The following COX5A variants were observed in gnomAD, a reference collection of about 807,000 sequenced individuals.
COX5A encodes the protein cytochrome c oxidase subunit 5A, mitochondrial.
In COX5A, 6 loss-of-function variants were observed where a neutral mutation model predicts 16.1. The ratio of observed to expected loss-of-function variants is 0.37; its 90% CI spans 0.20 to 0.73. The LOEUF is 0.73. Ranked by LOEUF, COX5A falls within the 30% of genes least tolerant of loss-of-function variation. COX5A has a pLI of 0.50. For synonymous variants in COX5A, 73 were observed against 73.8 expected, an observed-to-expected ratio of 0.99 and a Z score of 0.06; for missense variants, 159 against 194.9, an observed-to-expected ratio of 0.82 and a Z score of 1.10.
intron 1 of COX5A, among the ~76,000 whole-genome samples, chr15:74,930,014 G>A (rs2065359751): frequency 6.6e-6 from 1 of 151,822 alleles, no homozygotes. Flanking sequence ...GGACGGCGGA[G>A]GTTGCAGTGA....
At chr15:74,933,455 CTATCTATCTATG>C (rs1174935475) in intron 1 of COX5A, among the ~76,000 whole-genome samples, 74 of 125,658 alleles carry the variant, frequency 5.9e-4, no homozygotes, top group Admixed American at 8.9e-4. Flanking sequence ...ATCTATCTAT[CTATCTATCTATG>C]TAAAAACATA....
chr15:74,926,356 A>G (rs2065343719), intron 3 of COX5A, among the ~76,000 whole-genome samples: 1 of 151,822 alleles, frequency 6.6e-6, no homozygotes, highest in Non-Finnish European at 1.5e-5. Flanking sequence ...TTATATTTTT[A>G]GTAGAGACAG....
At chr15:74,931,361 C>T (rs112077332) in intron 1 of COX5A, among the ~76,000 whole-genome samples, 2 of 151,226 alleles carry the variant, frequency 1.3e-5, no homozygotes, top group East Asian at 2.0e-4. Context: ...ATTAGCTGGG[C>T]GTGATGACGG....
Position 74,920,450 on chromosome 15 carries a change from A to C in COX5A, c.*10-8T>G. The C allele has an allele frequency of 1.4e-6, 1 of 689,908 alleles. No homozygotes were observed. The highest frequency in any genetic ancestry group is 2.6e-6 in the Non-Finnish European group (1 of 381,810). The allele number at this position is 689,908 out of a possible 1,614,324, so 42.7% of individuals were successfully genotyped here. A position where few individuals can be genotyped will look rare whatever the true frequency, so the allele number is the denominator to read the frequency against. The stretch of plus-strand genomic sequence containing the variant: ...ATCCTTGGGGAAGCCCATCTGTAAG[A>C]GAAAACACAAAGAATTAGCCAGGAA... On this transcript the variant is annotated splice_polypyrimidine_tract_variant and splice_region_variant and intron_variant, in intron 4 of 4. Transcript: ENST00000322347.
At chr15:74,927,788 A>C (rs1233480735) in intron 2 of COX5A, among the ~76,000 whole-genome samples, 2 of 152,118 alleles carry the variant, frequency 1.3e-5, no homozygotes, top group Non-Finnish European at 2.9e-5. Flanking sequence ...AAACAAAACA[A>C]ACAAACAAAA....
At chr15:74,930,318 T>A (rs1380130820) in intron 1 of COX5A, among the ~76,000 whole-genome samples, 1 of 148,700 alleles carries the variant, frequency 6.7e-6, no homozygotes, top group Non-Finnish European at 1.5e-5. Context: ...CTCGGGAGGA[T>A]GAAGCAGGGG....
Position 74,920,031 on chromosome 15 carries a change from C to G in COX5A, c.*421G>C. 3.5e-6 allele frequency: 1 copy of G among 287,248 alleles called. No individual in the cohort carries two copies. Among genetic ancestry groups the G allele is most frequent in the Non-Finnish European group, 6.4e-6 (1 of 157,040 alleles). 17.8% of individuals were successfully genotyped at this position (287,248 alleles called of 1,614,324 possible). A position where few individuals can be genotyped will look rare whatever the true frequency, so the allele number is the denominator to read the frequency against. On this transcript the variant is annotated 3_prime_UTR_variant, in exon 5 of 5. Transcript: ENST00000322347. ...AAAGGTACACAATTTGATCTATCCC[C>G]ACAGACAACCAGTCCCCTAAGCCTA...
intron 1 of COX5A, among the ~76,000 whole-genome samples, chr15:74,934,990 T>C (rs987461605): frequency 3.9e-5 from 6 of 152,202 alleles, no homozygotes; most frequent in East Asian, 1.9e-4. Flanking sequence ...AAGGCTAACA[T>C]ATATAGAAAA....
intron 1 of COX5A, among the ~76,000 whole-genome samples, chr15:74,935,879 C>G (rs535733911): frequency 2.0e-5 from 3 of 151,992 alleles, no homozygotes; most frequent in Non-Finnish European, 4.4e-5. Flanking sequence ...CGTGAGCCAC[C>G]GTGTCCGGCT....
At chr15:74,922,777 C>G (rs1595860487) in intron 4 of COX5A, among the ~76,000 whole-genome samples, 3 of 151,568 alleles carry the variant, frequency 2.0e-5, no homozygotes, top group Admixed American at 2.0e-4. Context: ...GTGATTCTCC[C>G]GCCTCAGCCT....
chr15:74,926,276 G>A (rs1422944940), intron 3 of COX5A, among the ~76,000 whole-genome samples: 7 of 151,512 alleles, frequency 4.6e-5, no homozygotes, highest in Non-Finnish European at 1.0e-4. Flanking sequence ...TCCTGACCTC[G>A]TGATCCGCCC....
chr15:74,926,696 A>T (rs1305355865), intron 3 of COX5A, 70 bp downstream of exon 3: 1 of 1,495,000 alleles, frequency 6.7e-7, no homozygotes, highest in East Asian at 2.4e-5. Flanking sequence ...TCAAAAATAC[A>T]GAATATTCTG....
Position 74,937,896 on chromosome 15 carries a change from T to G in COX5A, c.100+19A>C. On this transcript the variant is annotated intron_variant, in intron 1 of 4. Coordinates refer to ENST00000322347, the MANE Select transcript of COX5A (RefSeq NM_004255.4). ...CGCAAGGACACGAGGGCGCGGGCAGTGGCAAGCAGGGGCCTTACCCACGGC... is the reference window on the plus strand; with the variant it reads ...CGCAAGGACACGAGGGCGCGGGCAGGGGCAAGCAGGGGCCTTACCCACGGC... 2 of 1,225,500 alleles carry G rather than the reference T, an allele frequency of 1.6e-6. No homozygotes were observed. Among genetic ancestry groups the G allele is most frequent in the South Asian group, 8.3e-5 (2 of 24,178 alleles). The allele number at this position is 1,225,500 out of a possible 1,614,324, so 75.9% of individuals were successfully genotyped here.
Position 74,929,201 on chromosome 15 carries a change from C to T in COX5A, c.132G>A (p.Gly44=), listed in dbSNP as rs143289611. Residue 44 remains glycine (G), a synonymous_variant, in exon 2 of 5, where the codon GGG becomes GGA. Coordinates refer to ENST00000322347, the MANE Select transcript of COX5A (RefSeq NM_004255.4). ...AIQSVRCYSH[G]SQETDEEFDA... ...CAAACTCCTCATCTGTCTCCTGTGA[C>T]CCATGGGAATAGCAGCGAACTGACT... is the stretch of plus-strand genomic sequence containing the variant. 4.3e-6 allele frequency: 7 copies of T among 1,613,910 alleles called. No individual in the cohort carries two copies. In the African/African-American group the frequency reaches 5.3e-5, roughly 12 times the overall value.
Position 74,935,616 on chromosome 15 carries a change from T to A in COX5A, c.100+2299A>T, listed in dbSNP as rs971438448. ...ACTATCACCAAAAAAAAAAAATAAA[T>A]AAATAAATAAATAAAAAATTTTTTT... On this transcript the variant is annotated intron_variant, in intron 1 of 4. Coordinates refer to ENST00000322347, the MANE Select transcript of COX5A (RefSeq NM_004255.4). Among the ~76,000 whole-genome samples the A allele has an allele frequency of 5.6e-3, 841 of 149,528 alleles. 7 individuals are homozygous for A. The highest frequency in any genetic ancestry group is 0.019 in the East Asian group (94 of 5,052).
At chr15:74,931,438 T>G (rs1419218518) in intron 1 of COX5A, among the ~76,000 whole-genome samples, 2 of 151,538 alleles carry the variant, frequency 1.3e-5, no homozygotes, top group African/African-American at 4.9e-5. Flanking sequence ...GAGGCGGAGG[T>G]TGAGGTGAGG....
intron 3 of COX5A, among the ~76,000 whole-genome samples, chr15:74,926,234 G>T (rs189908360): frequency 0.022 from 3,318 of 151,512 alleles, 129 homozygotes; most frequent in African/African-American, 0.077. Context: ...TAGAGACAGG[G>T]TTTCACCGTG....
chr15:74,929,136 T>C lies in COX5A; in HGVS notation c.197A>G (p.Asp66Gly). Residue 66 changes from aspartate to glycine, a missense_variant, in exon 2 of 5, where the codon GAT becomes GGT. Transcript: ENST00000322347. ...WVTYFNKPDI[D>G]AWELRKGINT... ...ATTACCTTTACGCAATTCCCAGGCA[T>C]CTATATCTGGCTTGTTGAAGTATGT... 1.2e-6 allele frequency: 2 copies of C among 1,612,674 alleles called. No individual in the cohort carries two copies. The highest frequency in any genetic ancestry group is 1.7e-6 in the Non-Finnish European group (2 of 1,178,676).
chr15:74,931,903 T>C (rs2065369200), intron 1 of COX5A, among the ~76,000 whole-genome samples: 1 of 152,148 alleles, frequency 6.6e-6, no homozygotes, highest in African/African-American at 2.4e-5. Flanking sequence ...AGTTTGGAAA[T>C]CTGAATTCCT....
Sources: gnomAD v4.1 joint callset for allele counts (sites outside exome capture counted in the v4.1 genomes callset) on GRCh38, gnomAD v4.1.1 for gene constraint, MANE v1.5 for transcripts, NCBI Gene and HGNC (gene_info 2026-07-23, HGNC 2026-07-21) for gene names.